Variants in ANKRD28 observed in about 807,000 individuals in gnomAD.
ANKRD28 encodes ankyrin repeat domain 28.
ANKRD28 carries 44 observed loss-of-function variants against 126.5 expected under a neutral mutation model. That is an observed-to-expected ratio of 0.35 (90% CI 0.27 to 0.45). The LOEUF (loss-of-function observed/expected upper bound fraction) is 0.45, where lower values mean the gene tolerates loss of function less well. ANKRD28 is among the 20% of genes least tolerant of loss of function. The pLI is 1.00. For missense variants in ANKRD28, 1,110 were observed against 1,316.6 expected (o/e 0.84, Z 2.43); for synonymous variants, 442 against 468.5 (o/e 0.94, Z 0.73).
chr3:15,842,633 C>T (rs1201877952), intron 1 of ANKRD28, among the ~76,000 whole-genome samples: 1 of 152,070 alleles, frequency 6.6e-6, no homozygotes, highest in African/African-American at 2.4e-5. Context: ...GATGGATACC[C>T]CATTTACCCA....
chr3:15,859,672 C>T (rs952053369), exon 1 of ANKRD28: 9 of 156,324 alleles, frequency 5.8e-5, no homozygotes, highest in South Asian at 1.8e-4. Flanking sequence ...CTCTTCCTTC[C>T]TTTCTTTCTC....
intron 2 of ANKRD28, chr3:15,781,601 T>C (rs2059542143): frequency 1.3e-5 from 2 of 152,162 alleles, no homozygotes; most frequent in Non-Finnish European, 2.9e-5. Flanking sequence ...AATCATCAAA[T>C]GCAATCCAGT....
chr3:15,746,308 A>C (rs542876103), intron 4 of ANKRD28, among the ~76,000 whole-genome samples: 7 of 152,258 alleles, frequency 4.6e-5, no homozygotes, highest in African/African-American at 1.7e-4. Context: ...GGAATGCTTT[A>C]AACTTTTCCC....
At chr3:15,716,445 T>C (rs1361811395) in intron 8 of ANKRD28, among the ~76,000 whole-genome samples, 2 of 151,770 alleles carry the variant, frequency 1.3e-5, no homozygotes, top group African/African-American at 4.8e-5. Flanking sequence ...GCATGTAACA[T>C]TACACCTGGC....
intron 21 of ANKRD28, 60 bp downstream of exon 21, chr3:15,685,166 T>C (rs1032454447): frequency 1.9e-6 from 3 of 1,569,102 alleles, no homozygotes; most frequent in Non-Finnish European, 2.6e-6. Flanking sequence ...CTTATAAATA[T>C]GTCATTCTTT....
intron 27 of ANKRD28, among the ~76,000 whole-genome samples, chr3:15,674,825 G>C (rs371378864): frequency 6.6e-6 from 1 of 152,188 alleles, no homozygotes; most frequent in East Asian, 1.9e-4. Context: ...CAAAGGAAAC[G>C]ATCAGTTGTG....
At chr3:15,855,339 A>G (rs2126005926) in intron 1 of ANKRD28, among the ~76,000 whole-genome samples, 1 of 152,292 alleles carries the variant, frequency 6.6e-6, no homozygotes, top group Middle Eastern at 3.4e-3. Flanking sequence ...TGTTTAAAAA[A>G]ACAAAACAAA....
At chr3:15,808,134 G>A (rs547464354) in intron 1 of ANKRD28, among the ~76,000 whole-genome samples, 236 of 152,188 alleles carry the variant, frequency 1.6e-3, no homozygotes, top group Admixed American at 2.4e-3. Flanking sequence ...ATCTGTCTCC[G>A]AAGCTTGGCT....
At chr3:15,747,544 G>T (rs1218531085) in intron 4 of ANKRD28, among the ~76,000 whole-genome samples, 1 of 152,072 alleles carries the variant, frequency 6.6e-6, no homozygotes, top group African/African-American at 2.4e-5. Context: ...TTATTCCACT[G>T]TGGTCTGAGA....
intron 1 of ANKRD28, among the ~76,000 whole-genome samples, chr3:15,808,755 T>TTTTG (rs140858088): frequency 1.3e-5 from 2 of 152,008 alleles, no homozygotes; most frequent in Non-Finnish European, 2.9e-5. Flanking sequence ...CTACCACTCC[T>TTTTG]TTTGTTTGTT....
chr3:15,689,877 G>A, intron 18 of ANKRD28, 142 bp downstream of exon 18: 2 of 682,804 alleles, frequency 2.9e-6, no homozygotes, highest in Non-Finnish European at 4.8e-6. Flanking sequence ...GTTATTTGGT[G>A]AGGTCAAATA....
chr3:15,696,039 T>G (rs901666863), intron 15 of ANKRD28, 95 bp downstream of exon 15: 6 of 860,772 alleles, frequency 7.0e-6, no homozygotes, highest in Non-Finnish European at 1.1e-5. Flanking sequence ...AAAAACAAAA[T>G]GGAATTTGTT....
chr3:15,809,438 C>G (rs1465453934), intron 1 of ANKRD28, among the ~76,000 whole-genome samples: 3 of 152,180 alleles, frequency 2.0e-5, no homozygotes, highest in Non-Finnish European at 2.9e-5. Flanking sequence ...AGAGTACTAC[C>G]CACCCCTAAC....
At chr3:15,690,797 T>G (rs925740615) in intron 17 of ANKRD28, among the ~76,000 whole-genome samples, 2 of 152,134 alleles carry the variant, frequency 1.3e-5, no homozygotes, top group African/African-American at 4.8e-5. Flanking sequence ...TCAAAATTCC[T>G]GGCCTCAAGT....
At chr3:15,733,533 T>TA (rs2074802649) in intron 6 of ANKRD28, 2 of 152,266 alleles carry the variant, frequency 1.3e-5, no homozygotes, top group Non-Finnish European at 2.9e-5. Flanking sequence ...TATCATTTCT[T>TA]AAAATTAATC....
At chr3:15,770,378 C>T (rs561444707) in intron 2 of ANKRD28, among the ~76,000 whole-genome samples, 87 of 150,258 alleles carry the variant, frequency 5.8e-4, no homozygotes, top group African/African-American at 1.8e-3. Flanking sequence ...TATTATCATC[C>T]TTAATAATTA....
At position 15,721,146 on chromosome 3, in the gene ANKRD28, A is replaced by G; in HGVS notation, c.784-19T>C. ...CATTCATCTATTAGAAGGGAAAAAA[A>G]TGCGAATGTTAAAGTAGTTTTGCTA... is the stretch of plus-strand genomic sequence containing the variant. On this transcript the variant is annotated intron_variant, in intron 7 of 27. Transcript: ENST00000683139. The G allele has an allele frequency of 1.3e-6, 2 of 1,592,202 alleles. No individual in the cohort carries two copies. Among genetic ancestry groups the G allele is most frequent in the South Asian group, 1.1e-5 (1 of 87,656 alleles).
Position 15,678,310 on chromosome 3 carries a change from A to G in ANKRD28, c.2606T>C (p.Leu869Ser). ...AGCATTATGGCTGAGCAGCAGCTGT[A>G]AACACTCTACATGGTCTGTGAAGGC... is the stretch of plus-strand genomic sequence containing the variant. The part of the protein sequence containing the change: ...AAAFTDHVEC[L>S]QLLLSHNAQV... The change falls in exon 24 of 28, where the codon TTA (leucine) becomes TCA (serine). Residue 869 changes from leucine (L) to serine (S), a missense_variant. Coordinates refer to ENST00000683139, the MANE Select transcript of ANKRD28 (RefSeq NM_001349278.2). 6.2e-7 allele frequency: 1 copy of G among 1,612,882 alleles called. No individual in the cohort carries two copies. The highest frequency in any genetic ancestry group is 8.5e-7 in the Non-Finnish European group (1 of 1,179,576).
chr3:15,798,562 G>C (rs748942116), upstream of ANKRD28, among the ~76,000 whole-genome samples: 1 of 151,866 alleles, frequency 6.6e-6, no homozygotes, highest in Non-Finnish European at 1.5e-5. Context: ...TAAATCATTT[G>C]ATTTTTCACT....
Sources: allele counts gnomAD v4.1 joint callset (sites outside exome capture counted in the v4.1 genomes callset), GRCh38; gene constraint gnomAD v4.1.1; transcripts MANE v1.5; gene names NCBI Gene and HGNC (gene_info 2026-07-23, HGNC 2026-07-21).